Variants in SUN1 observed in about 807,000 individuals in gnomAD.
SUN1 encodes SUN domain-containing protein 1.
In SUN1, 61 loss-of-function variants were observed where a neutral mutation model predicts 103.2. That is an observed-to-expected ratio of 0.59 (90% CI 0.48 to 0.73). The LOEUF (loss-of-function observed/expected upper bound fraction) is 0.73. SUN1 is among the 30% of genes least tolerant of loss of function. The pLI is 0.00. For synonymous variants in SUN1, 490 were observed against 425.7 expected, an observed-to-expected ratio of 1.15 and a Z score of -1.86; for missense variants, 1,052 against 1,034.6, an observed-to-expected ratio of 1.02 and a Z score of -0.23.
At chr7:816,458 C>G (rs1367551751), upstream of SUN1, among the ~76,000 whole-genome samples, 1 of 148,730 alleles carries the variant, frequency 6.7e-6, no homozygotes, top group Non-Finnish European at 1.5e-5. Context: ...TCCCCCTCCC[C>G]TTCCCCCGCC....
At chr7:858,217 G>T (rs1829325022) in intron 13 of SUN1, among the ~76,000 whole-genome samples, 1 of 152,016 alleles carries the variant, frequency 6.6e-6, no homozygotes, top group African/African-American at 2.4e-5. Context: ...ACTATGCCCG[G>T]CTAATTTTTG....
chr7:863,731 T>A (rs545130999), intron 15 of SUN1, among the ~76,000 whole-genome samples: 19 of 152,338 alleles, frequency 1.2e-4, no homozygotes, highest in Admixed American at 8.5e-4. Flanking sequence ...AGAGCTCACC[T>A]GCTGGGTGAC....
At chr7:818,043 CTT>C (rs944623278) in intron 1 of SUN1, among the ~76,000 whole-genome samples, 21 of 151,300 alleles carry the variant, frequency 1.4e-4, no homozygotes, top group Admixed American at 8.6e-4. Context: ...TATGTTCTTA[CTT>C]CATAAATGGA....
intron 5 of SUN1, chr7:850,037 G>C (rs748379998): frequency 6.3e-7 from 1 of 1,576,526 alleles, no homozygotes; most frequent in Non-Finnish European, 8.6e-7. Flanking sequence ...TGTGCAGGTT[G>C]TCTCTCGCCC....
chr7:847,230 G>GGAAGTC (rs1816751561), intron 5 of SUN1, among the ~76,000 whole-genome samples: 1 of 152,002 alleles, frequency 6.6e-6, no homozygotes, highest in Non-Finnish European at 1.5e-5. Context: ...TCCCCTGGGG[G>GGAAGTC]TTACCCCGCA....
chr7:817,061 G>T (rs1383420727), intron 1 of SUN1, among the ~76,000 whole-genome samples: 1 of 152,026 alleles, frequency 6.6e-6, no homozygotes, highest in Non-Finnish European at 1.5e-5. Context: ...CGGGCTGCCC[G>T]CCTGGACCCC....
rs552068863 is a variant in SUN1 at position 874,593 on chromosome 7, C to G, written c.*1262C>G. 2.0e-5 allele frequency: 3 copies of G among 152,512 alleles called. No homozygotes were observed. The highest frequency in any genetic ancestry group is 7.2e-5 in the African/African-American group (3 of 41,542). The allele number at this position is 152,512 out of a possible 1,614,324, so 9.4% of individuals were successfully genotyped here. A position where few individuals can be genotyped will look rare whatever the true frequency, so the allele number is the denominator to read the frequency against. ...CTGATGTATGAAACTATTCATACATCAAGCAGCATTTTTTTCACTCTCCTT... is the reference window on the plus strand; with the variant it reads ...CTGATGTATGAAACTATTCATACATGAAGCAGCATTTTTTTCACTCTCCTT... On this transcript the variant is annotated 3_prime_UTR_variant, in exon 19 of 19. Transcript: ENST00000401592.
intron 16 of SUN1, 168 bp from the exon 17 acceptor site, chr7:869,181 G>A: frequency 1.3e-6 from 1 of 792,590 alleles, no homozygotes; most frequent in Non-Finnish European, 2.0e-6. Context: ...GCCCTCTGAG[G>A]AGTGAATTAC....
intron 1 of SUN1, among the ~76,000 whole-genome samples, chr7:837,510 CAGAG>C (rs887267777): frequency 7.9e-5 from 12 of 152,170 alleles, no homozygotes; most frequent in East Asian, 1.9e-4. Context: ...CATAACTAAT[CAGAG>C]AGAGACGTTA....
At chr7:870,913 G>A (rs1173780234) in intron 17 of SUN1, among the ~76,000 whole-genome samples, 14 of 144,020 alleles carry the variant, frequency 9.7e-5, no homozygotes, top group African/African-American at 3.4e-4. Flanking sequence ...TTTTTGAGAC[G>A]GAGTCTTGGT....
At chr7:828,531 C>G (rs1310902678), upstream of SUN1, among the ~76,000 whole-genome samples, 2 of 152,200 alleles carry the variant, frequency 1.3e-5, no homozygotes, top group Non-Finnish European at 2.9e-5. Flanking sequence ...CTCTGCCTCC[C>G]AAAGTGCTGG....
At chr7:862,383 G>T (rs1482048560) in intron 15 of SUN1, among the ~76,000 whole-genome samples, 1 of 152,186 alleles carries the variant, frequency 6.6e-6, no homozygotes, top group Admixed American at 6.5e-5. Context: ...GGGAGCAGCT[G>T]GGTTTGATTT....
intron 14 of SUN1, among the ~76,000 whole-genome samples, chr7:860,726 A>T (rs1204655397): frequency 6.6e-6 from 1 of 152,210 alleles, no homozygotes; most frequent in Non-Finnish European, 1.5e-5. Context: ...GTCTGTTCTC[A>T]TGCTGGGCAA....
chr7:831,739 A>G (rs1798177218), upstream of SUN1, among the ~76,000 whole-genome samples: 2 of 152,062 alleles, frequency 1.3e-5, no homozygotes, highest in Non-Finnish European at 2.9e-5. Flanking sequence ...TTATTTGTAC[A>G]AAAGTGTCTT....
At chr7:826,154 G>T (rs1470961929) in intron 1 of SUN1, among the ~76,000 whole-genome samples, 2 of 152,130 alleles carry the variant, frequency 1.3e-5, no homozygotes, top group South Asian at 2.1e-4. Flanking sequence ...TTGAGCCCAG[G>T]AGATGGAGGC....
intron 5 of SUN1, among the ~76,000 whole-genome samples, chr7:845,485 T>C (rs1362776493): frequency 6.6e-6 from 1 of 152,006 alleles, no homozygotes; most frequent in Admixed American, 6.6e-5. Flanking sequence ...TCAAAGAACA[T>C]TGGAAAATCA....
At position 851,485 on chromosome 7, in the gene SUN1, G is replaced by A; in HGVS notation, c.757+3G>A. ...TTGGCTGGCCGTGGTTGCTCCAGGTGGCTATTTTGGGTTTCTGTGTTGCGT... is the reference window on the plus strand; with the variant it reads ...TTGGCTGGCCGTGGTTGCTCCAGGTAGCTATTTTGGGTTTCTGTGTTGCGT... On this transcript the variant is annotated splice_donor_region_variant and intron_variant, in intron 6 of 18. Coordinates refer to ENST00000401592, the MANE Select transcript of SUN1 (RefSeq NM_001130965.3). 1 of 1,599,528 alleles carries A rather than the reference G, an allele frequency of 6.3e-7. No homozygotes were observed. The highest frequency in any genetic ancestry group is 8.5e-7 in the Non-Finnish European group (1 of 1,172,848).
At chr7:825,214 G>A (rs949569473) in intron 1 of SUN1, among the ~76,000 whole-genome samples, 25 of 152,132 alleles carry the variant, frequency 1.6e-4, no homozygotes, top group African/African-American at 5.3e-4. Flanking sequence ...GCCCGCCACT[G>A]CGCCCGGCTA....
chr7:873,247 G>A lies in SUN1; in HGVS notation c.2274G>A (p.Val758=). The change falls in exon 19 of 19, where the codon GTG becomes GTA. Residue 758 remains valine, a synonymous_variant. Coordinates refer to ENST00000401592, the MANE Select transcript of SUN1 (RefSeq NM_001130965.3). ...KRPDDTAFQI[V]ELRIFSNWGH... ...CCGACGACACAGCTTTCCAAATAGT[G>A]GAACTTCGGATTTTTTCTAACTGGG... is the stretch of plus-strand genomic sequence containing the variant. 1 of 1,614,228 alleles carries A rather than the reference G, an allele frequency of 6.2e-7. No homozygotes were observed. The highest frequency in any genetic ancestry group is 2.2e-5 in the East Asian group (1 of 44,890).
Sources: gnomAD v4.1 joint callset for allele counts (sites outside exome capture counted in the v4.1 genomes callset) on GRCh38, gnomAD v4.1.1 for gene constraint, MANE v1.5 for transcripts, NCBI Gene and HGNC (gene_info 2026-07-23, HGNC 2026-07-21) for gene names.